The following MSI1 variants were observed in gnomAD, a reference collection of about 807,000 sequenced individuals.
MSI1 encodes the protein RNA-binding protein Musashi homolog 1.
Under a neutral mutation model 54.4 loss-of-function variants are expected in MSI1, and 15 were observed. The ratio of observed to expected loss-of-function variants is 0.28; its 90% CI spans 0.18 to 0.42. The LOEUF is 0.42. MSI1 is among the 20% of genes least tolerant of loss of function. The probability of loss-of-function intolerance (pLI) is 1.00; values close to 1 mark genes in which losing one functional copy is unlikely to be tolerated. For synonymous variants in MSI1, 200 were observed against 196.5 expected (o/e 1.02, Z -0.15); for missense variants, 304 against 506.0 (o/e 0.60, Z 3.83).
Position 120,356,903 on chromosome 12 carries a change from C to T in MSI1, c.651G>A (p.Leu217=). ...MDAFMLGIGM[L]GYPGFQATTY... ...CCGCAGGCGCAGGCTCGCGCATACC[C>T]AGCATGCCGATGCCCAGCATGAAGG... Residue 217 remains leucine, a splice_region_variant and synonymous_variant, in exon 9 of 15, where the codon CTG becomes CTA. Coordinates refer to ENST00000257552, the MANE Select transcript of MSI1 (RefSeq NM_002442.4). 1 of 1,613,574 alleles carries T rather than the reference C, an allele frequency of 6.2e-7. No individual in the cohort carries two copies. Among genetic ancestry groups the T allele is most frequent in the Admixed American group, 1.7e-5 (1 of 60,030 alleles).
chr12:120,365,759 A>G (rs767354616), intron 4 of MSI1, among the ~76,000 whole-genome samples: 4 of 152,152 alleles, frequency 2.6e-5, no homozygotes, highest in Admixed American at 6.5e-5. Flanking sequence ...GTGAAAGGGC[A>G]TGGGACTTGA....
Position 120,368,820 on chromosome 12 carries a change from C to A in MSI1, c.100+13G>T. On this transcript the variant is annotated intron_variant, in intron 2 of 14. Transcript: ENST00000257552. This position sits in a 1 kb window ranked among gnomAD's most constrained non-coding sequence, Gnocchi z 6.6. Reference sequence around the variant, plus strand: ...GCCCTGCCGGACCGGCGGGCGCTCCCGGGCTCGCTCACCCTGCGTAGTCTG... The same window carrying A: ...GCCCTGCCGGACCGGCGGGCGCTCCAGGGCTCGCTCACCCTGCGTAGTCTG... The A allele has an allele frequency of 7.1e-7, 1 of 1,418,196 alleles. No individual in the cohort carries two copies. Among genetic ancestry groups the A allele is most frequent in the Admixed American group, 2.4e-5 (1 of 42,418 alleles). 87.9% of individuals were successfully genotyped at this position (1,418,196 alleles called of 1,614,324 possible). A position where few individuals can be genotyped will look rare whatever the true frequency, so the allele number is the denominator to read the frequency against.
Position 120,368,775 on chromosome 12 carries a change from G to A in MSI1, c.100+58C>T. 7.4e-7 allele frequency: 1 copy of A among 1,354,148 alleles called. No homozygotes were observed. The highest frequency in any genetic ancestry group is 2.8e-5 in the Admixed American group (1 of 35,338). 83.9% of individuals were successfully genotyped at this position (1,354,148 alleles called of 1,614,324 possible). ...GCCGGGCTGGGGTGTCCGGGTCCGG[G>A]GCGCCGGGGGGTCCGGGGTGCCCTG... On this transcript the variant is annotated intron_variant, in intron 2 of 14. Transcript: ENST00000257552. This position sits in a 1 kb window ranked among gnomAD's most constrained non-coding sequence, Gnocchi z 6.6.
At position 120,348,168 on chromosome 12, in the gene MSI1, G is replaced by A. The variant is rs899610486; in HGVS notation, c.791-654C>T. Among the ~76,000 whole-genome samples the A allele has an allele frequency of 5.8e-5, 7 of 119,734 alleles. 1 individual carries two copies. The East Asian group carries it at 1.6e-3, about 28-fold the overall frequency. The allele number at this position is 119,734 out of a possible 152,430, so 78.6% of individuals were successfully genotyped here. On this transcript the variant is annotated intron_variant, in intron 11 of 14. Coordinates refer to ENST00000257552, the MANE Select transcript of MSI1 (RefSeq NM_002442.4). ...TCCCCCAAATCCCCCCAGCCTCTTT[G>A]TCTGCCATCTCCTCTTCAGACACAG...
chr12:120,366,234 C>T (rs544885298), intron 4 of MSI1, among the ~76,000 whole-genome samples: 1 of 152,290 alleles, frequency 6.6e-6, no homozygotes, highest in Non-Finnish European at 1.5e-5. Flanking sequence ...AACTCAGCCT[C>T]GTTCTAGGCA....
chr12:120,368,790 G>A lies in MSI1; in HGVS notation c.100+43C>T, dbSNP rs1319572885. ...CCGGGTCCGGGGCGCCGGGGGGTCC[G>A]GGGTGCCCTGCCGGACCGGCGGGCG... On this transcript the variant is annotated intron_variant, in intron 2 of 14. Transcript: ENST00000257552. The surrounding 1 kb of genome is among the most constrained non-coding windows in gnomAD (Gnocchi z 6.6). 1 of 1,398,978 alleles carries A rather than the reference G, an allele frequency of 7.1e-7. No individual in the cohort carries two copies. The highest frequency in any genetic ancestry group is 1.5e-5 in the South Asian group (1 of 67,764). The allele number at this position is 1,398,978 out of a possible 1,614,324, so 86.7% of individuals were successfully genotyped here.
Position 120,346,285 on chromosome 12 carries a change from C to A in MSI1, c.897G>T (p.Ser299=). Residue 299 remains serine (S), a synonymous_variant, in exon 13 of 15, where the codon TCG becomes TCT. Transcript: ENST00000257552. ...HPWTMAPPPG[S]TPSRTGGFLG... is the part of the protein sequence containing the mutation. ...GGAAGCCCCCTGTGCGGCTGGGAGT[C>A]GAACCTGGAGGGGGAGCCATCGTCC... 6.3e-7 allele frequency: 1 copy of A among 1,582,076 alleles called. No individual in the cohort carries two copies. Among genetic ancestry groups the A allele is most frequent in the Non-Finnish European group, 8.6e-7 (1 of 1,165,432 alleles).
In MSI1 at chr12:120,368,321, C is replaced by CT. The variant is rs1565895851; in HGVS notation, c.101-49_101-48insA. 2 of 1,068,542 alleles carry CT rather than the reference C, an allele frequency of 1.9e-6. No homozygotes were observed. The highest frequency in any genetic ancestry group is 3.1e-5 in the Admixed American group (1 of 32,356). The allele number at this position is 1,068,542 out of a possible 1,614,324, so 66.2% of individuals were successfully genotyped here. A position where few individuals can be genotyped will look rare whatever the true frequency, so the allele number is the denominator to read the frequency against. ...GGACCAGCCCGGGCCCCGCGCCCTT[C>CT]CCCCCCCCCCGTCCTTTGCCCCCGG... On this transcript the variant is annotated intron_variant, in intron 2 of 14. Transcript: ENST00000257552. The surrounding 1 kb of genome is among the most constrained non-coding windows in gnomAD (Gnocchi z 6.6).
intron 9 of MSI1, 101 bp downstream of exon 9, chr12:120,356,801 A>T (rs991133923): frequency 8.9e-6 from 9 of 1,013,808 alleles, no homozygotes; most frequent in Admixed American, 3.5e-5. Context: ...CTCAGACAGG[A>T]GGAGGGCAGA....
At chr12:120,364,577 C>T (rs1875901080) in intron 5 of MSI1, 137 bp downstream of exon 5, 35 of 806,144 alleles carry the variant, frequency 4.3e-5, no homozygotes, top group Non-Finnish European at 6.6e-5. Context: ...AGAATCCCCT[C>T]TTCCCAGCCC....
In MSI1 at chr12:120,352,076, G is replaced by A. The variant is rs137921150; in HGVS notation, c.734-676C>T. ...TCTGCTGCCCAGGCTGGAATGCAGT[G>A]GCATGAACACAGCTCACTACACACT... On this transcript the variant is annotated intron_variant, in intron 10 of 14. Transcript: ENST00000257552. Among the ~76,000 whole-genome samples, 1,184 of 149,032 alleles carry A rather than the reference G, an allele frequency of 7.9e-3. 14 individuals are homozygous for A. Among genetic ancestry groups the A allele is most frequent in the African/African-American group, 0.028 (1,124 of 40,750 alleles).
At chr12:120,359,151 C>T in intron 6 of MSI1, 98 bp from the exon 7 acceptor site, 1 of 1,452,294 alleles carries the variant, frequency 6.9e-7, no homozygotes, top group Non-Finnish European at 9.4e-7. Context: ...CTCTTGCCCA[C>T]TCCAGGCTTG....
chr12:120,364,468 C>T (rs1385616359), intron 5 of MSI1, among the ~76,000 whole-genome samples: 1 of 152,098 alleles, frequency 6.6e-6, no homozygotes, highest in African/African-American at 2.4e-5. Flanking sequence ...CTCTGAGTAG[C>T]TCCCCTTTCT....
rs1224729104 is a variant in MSI1, at chr12:120,368,902, C to T, written c.60-29G>A. On this transcript the variant is annotated intron_variant, in intron 1 of 14. Transcript: ENST00000257552. This position sits in a 1 kb window ranked among gnomAD's most constrained non-coding sequence, Gnocchi z 6.6. ...CGGGAGGAGGAGAGACACAAAGGGC[C>T]CGCGTGAGCGCCGGGCGCCAGGGCG... 8 of 1,397,718 alleles carry T rather than the reference C, an allele frequency of 5.7e-6. No homozygotes were observed. Among genetic ancestry groups the T allele is most frequent in the Non-Finnish European group, 6.6e-6 (7 of 1,059,720 alleles). The allele number at this position is 1,397,718 out of a possible 1,614,324, so 86.6% of individuals were successfully genotyped here. A position where few individuals can be genotyped will look rare whatever the true frequency, so the allele number is the denominator to read the frequency against.
At chr12:120,359,163 C>A in intron 6 of MSI1, 110 bp from the exon 7 acceptor site, 1 of 1,307,332 alleles carries the variant, frequency 7.6e-7, no homozygotes, top group Non-Finnish European at 1.1e-6. Context: ...CCAGGCTTGA[C>A]CTTCAACCTG....
At chr12:120,345,028 AAAT>A (rs1192724109) in intron 14 of MSI1, among the ~76,000 whole-genome samples, 1 of 151,360 alleles carries the variant, frequency 6.6e-6, no homozygotes, top group Non-Finnish European at 1.5e-5. Context: ...AAATAAAATA[AAAT>A]AATAGTAATA....
At position 120,363,438 on chromosome 12, in the gene MSI1, A is replaced by C. The variant is rs542117143; in HGVS notation, c.310-303T>G. ...AGGGAAGGGGGCGGGCCAGTGACCC[A>C]GACCCACAGCCTAACACTAAGACCT... On this transcript the variant is annotated intron_variant, in intron 5 of 14. Transcript: ENST00000257552. 3.9e-5 allele frequency among the ~76,000 whole-genome samples: 6 copies of C among 152,266 alleles called. No individual in the cohort carries two copies. The East Asian group carries it at 1.2e-3, about 29-fold the overall frequency.
At chr12:120,349,335 G>A (rs1033823008) in intron 11 of MSI1, among the ~76,000 whole-genome samples, 2 of 152,078 alleles carry the variant, frequency 1.3e-5, no homozygotes, top group Non-Finnish European at 2.9e-5. Flanking sequence ...TTGACCTCAG[G>A]TGATCTGCCT....
chr12:120,353,133 G>A (rs1874778631), intron 10 of MSI1, among the ~76,000 whole-genome samples, 166 bp downstream of exon 10: 1 of 151,838 alleles, frequency 6.6e-6, no homozygotes, highest in African/African-American at 2.4e-5. Context: ...GGAGGGGTTT[G>A]GGGGGGATGG....
Sources: gnomAD v4.1 joint callset for allele counts (sites outside exome capture counted in the v4.1 genomes callset) on GRCh38, gnomAD v4.1.1 for gene constraint, Gnocchi (gnomAD v3.1) non-coding constraint, MANE v1.5 for transcripts, NCBI Gene and HGNC (gene_info 2026-07-23, HGNC 2026-07-21) for gene names.